Variants in ARMC3 observed in about 807,000 individuals in gnomAD.
The protein encoded by ARMC3 is armadillo repeat-containing protein 3.
ARMC3 carries 74 observed loss-of-function variants against 90.3 expected under a neutral mutation model. The ratio of observed to expected loss-of-function variants is 0.82; its 90% CI spans 0.68 to 0.99. ARMC3 has a LOEUF of 0.99. Among genes scored for constraint, ARMC3 ranks in the 50% least tolerant of loss-of-function variants. The pLI is 0.00. For synonymous variants in ARMC3, 334 were observed against 361.8 expected (o/e 0.92, Z 0.87); for missense variants, 958 against 1,042.8 (o/e 0.92, Z 1.12).
At chr10:23,029,005 T>C (rs1015079563) in intron 16 of ARMC3, among the ~76,000 whole-genome samples, 2 of 152,196 alleles carry the variant, frequency 1.3e-5, no homozygotes, top group South Asian at 2.1e-4. Flanking sequence ...TGCACCCATA[T>C]CTACAGCCAA....
chr10:22,987,724 G>C (rs1186454048), intron 10 of ARMC3, among the ~76,000 whole-genome samples: 1 of 152,168 alleles, frequency 6.6e-6, no homozygotes, highest in Admixed American at 6.5e-5. Flanking sequence ...TCATCCCCAT[G>C]AAGAACTGAG....
At position 23,007,769 on chromosome 10, in the gene ARMC3, G is replaced by A. The variant is rs573883103; in HGVS notation, c.1830-507G>A. On this transcript the variant is annotated intron_variant, in intron 14 of 18. Transcript: ENST00000298032. ...CTATATATCCATATAGTAGTTATGT[G>A]ATACATTTTATACAAATAATTTCTG... Among the ~76,000 whole-genome samples the A allele has an allele frequency of 1.7e-4, 25 of 151,110 alleles. No homozygotes were observed. The South Asian group carries it at 4.0e-3, about 24-fold the overall frequency.
chr10:22,956,891 T>A (rs1341754125), intron 4 of ARMC3, among the ~76,000 whole-genome samples: 1 of 151,448 alleles, frequency 6.6e-6, no homozygotes, highest in East Asian at 1.9e-4. Flanking sequence ...TTATGTCCAT[T>A]AGAATATCAG....
At chr10:22,980,584 G>A (rs994068359) in intron 8 of ARMC3, among the ~76,000 whole-genome samples, 6 of 151,910 alleles carry the variant, frequency 3.9e-5, no homozygotes, top group Non-Finnish European at 7.4e-5. Flanking sequence ...CAGTATTTAC[G>A]TTAGTATAGT....
At position 23,037,367 on chromosome 10, in the gene ARMC3, G is replaced by T. The variant is rs777621826; in HGVS notation, c.2507G>T (p.Gly836Val). The T allele has an allele frequency of 1.2e-6, 2 of 1,613,888 alleles. No individual in the cohort carries two copies. The highest frequency in any genetic ancestry group is 1.7e-5 in the Admixed American group (1 of 59,984). The change falls in exon 19 of 19, where the codon GGA (glycine) becomes GTA (valine). Residue 836 changes from glycine to valine, a missense_variant. Coordinates refer to ENST00000298032, the MANE Select transcript of ARMC3 (RefSeq NM_173081.5). ...EVMLQNDSRKGVIGGLPAPEM... is the reference protein window; with the variant it reads ...EVMLQNDSRKVVIGGLPAPEM... ...ATGCTGCAGAATGACTCTCGGAAGG[G>T]AGTGATTGGGGGCCTCCCCGCTCCT...
intron 7 of ARMC3, among the ~76,000 whole-genome samples, chr10:22,965,178 T>C (rs1483933917): frequency 1.3e-5 from 2 of 152,228 alleles, no homozygotes; most frequent in Non-Finnish European, 2.9e-5. Context: ...TGTAGATCCA[T>C]GTTGTCATCA....
chr10:22,932,836 G>C (rs921204729), intron 2 of ARMC3, among the ~76,000 whole-genome samples: 2 of 152,214 alleles, frequency 1.3e-5, no homozygotes, highest in African/African-American at 4.8e-5. Flanking sequence ...TGGGGGCCTT[G>C]AGCCAGCTCT....
At chr10:22,959,187 C>T (rs1835085820) in intron 5 of ARMC3, 49 bp downstream of exon 5, 6 of 1,491,624 alleles carry the variant, frequency 4.0e-6, no homozygotes, top group African/African-American at 1.4e-5. Flanking sequence ...TGGTTTTTTA[C>T]ACTTGATTAA....
intron 7 of ARMC3, among the ~76,000 whole-genome samples, chr10:22,963,261 C>T (rs1345051831): frequency 6.6e-6 from 1 of 152,048 alleles, no homozygotes; most frequent in Non-Finnish European, 1.5e-5. Context: ...TCTATCATTA[C>T]ATATATAATC....
At chr10:23,015,261 C>T (rs1286348898) in intron 16 of ARMC3, among the ~76,000 whole-genome samples, 1 of 152,154 alleles carries the variant, frequency 6.6e-6, no homozygotes, top group African/African-American at 2.4e-5. Context: ...CTTTTGGTTT[C>T]GAAGGCTTTA....
intron 7 of ARMC3, among the ~76,000 whole-genome samples, chr10:22,968,095 A>G (rs1300473705): frequency 2.0e-5 from 3 of 152,172 alleles, no homozygotes; most frequent in African/African-American, 7.2e-5. Flanking sequence ...TCCATAAAAC[A>G]TTTTGGAGTA....
chr10:22,936,695 T>C (rs3101796), intron 2 of ARMC3, among the ~76,000 whole-genome samples: 28,683 of 152,114 alleles, frequency 0.19, 3,390 homozygotes, highest in East Asian at 0.46. Flanking sequence ...ATTTATTTAG[T>C]CATGTGGCAC....
intron 5 of ARMC3, 21 bp from the exon 6 acceptor site, chr10:22,959,378 T>C (rs973002813): frequency 8.2e-6 from 13 of 1,584,146 alleles, no homozygotes; most frequent in Non-Finnish European, 1.0e-5. Context: ...CATACTTGTG[T>C]TATTTATTTT....
intron 10 of ARMC3, among the ~76,000 whole-genome samples, chr10:22,990,936 T>C (rs1836680224): frequency 6.6e-6 from 1 of 152,018 alleles, no homozygotes; most frequent in South Asian, 2.1e-4. Context: ...CCTCCACCTT[T>C]TTCCCCGGGT....
intron 2 of ARMC3, among the ~76,000 whole-genome samples, chr10:22,940,198 T>G (rs1834271205): frequency 6.6e-6 from 1 of 152,230 alleles, no homozygotes; most frequent in Admixed American, 6.5e-5. Context: ...GATGGACATT[T>G]TATGATACAA....
intron 2 of ARMC3, 67 bp from the exon 3 acceptor site, chr10:22,946,077 C>A: frequency 8.9e-7 from 1 of 1,119,436 alleles, no homozygotes; most frequent in Non-Finnish European, 1.3e-6. Flanking sequence ...GTTTTAAGAC[C>A]CATTCATTTT....
At chr10:22,937,782 G>A (rs1385586323) in intron 2 of ARMC3, among the ~76,000 whole-genome samples, 1 of 152,022 alleles carries the variant, frequency 6.6e-6, no homozygotes, top group Non-Finnish European at 1.5e-5. Flanking sequence ...AGTTTCCAGG[G>A]GCACTTTAAT....
At chr10:23,014,371 T>G (rs1554785893) in intron 16 of ARMC3, 17 of 1,289,930 alleles carry the variant, frequency 1.3e-5, no homozygotes, top group Non-Finnish European at 1.7e-5. Context: ...AGGGGTAGAT[T>G]AGCCATAGCC....
chr10:23,028,709 T>C (rs1838811495), intron 16 of ARMC3, among the ~76,000 whole-genome samples: 1 of 152,216 alleles, frequency 6.6e-6, no homozygotes, highest in Non-Finnish European at 1.5e-5. Context: ...GCTATTTGGA[T>C]TGGTTCTGCA....
Sources: gnomAD v4.1 joint callset for allele counts (sites outside exome capture counted in the v4.1 genomes callset) on GRCh38, gnomAD v4.1.1 for gene constraint, MANE v1.5 for transcripts, NCBI Gene and HGNC (gene_info 2026-07-23, HGNC 2026-07-21) for gene names.